AKAP13: variants seen among roughly 807,000 people sequenced by gnomAD.
AKAP13 encodes the protein A-kinase anchoring protein 13.
Under a neutral mutation model 264.5 loss-of-function variants are expected in AKAP13, and 80 were observed. The observed-to-expected ratio is 0.30, with a 90% CI of 0.25 to 0.36. AKAP13 has a LOEUF of 0.36. AKAP13 is among the 10% of genes least tolerant of loss of function. AKAP13 has a pLI of 1.00. For missense variants in AKAP13, 3,712 were observed against 3,435.2 expected, an observed-to-expected ratio of 1.08 and a Z score of -2.01; for synonymous variants, 1,380 against 1,250.2, an observed-to-expected ratio of 1.10 and a Z score of -2.19.
chr15:85,630,166 T>TATATAC (rs71468125), intron 8 of AKAP13, among the ~76,000 whole-genome samples: 7 of 100,124 alleles, frequency 7.0e-5, no homozygotes, highest in Non-Finnish European at 1.4e-4. Context: ...TTTTAACACA[T>TATATAC]ACACACACAC....
chr15:85,567,941 G>GGTATGTGTGT (rs1555445388), intron 5 of AKAP13, among the ~76,000 whole-genome samples: 6 of 141,828 alleles, frequency 4.2e-5, no homozygotes, highest in Non-Finnish European at 7.6e-5. Context: ...AGCCCAAAGA[G>GGTATGTGTGT]GTGTGTGTGT....
chr15:85,492,388 C>T (rs2075755518), intron 2 of AKAP13, among the ~76,000 whole-genome samples: 1 of 152,110 alleles, frequency 6.6e-6, no homozygotes, highest in Non-Finnish European at 1.5e-5. Context: ...TCTCAAAAAA[C>T]AAAACAAAAC....
chr15:85,626,642 C>G (rs1397434668), intron 8 of AKAP13, among the ~76,000 whole-genome samples: 1 of 152,186 alleles, frequency 6.6e-6, no homozygotes, highest in Non-Finnish European at 1.5e-5. Context: ...CCCATTCATC[C>G]ATCAATTGAC....
intron 2 of AKAP13, among the ~76,000 whole-genome samples, chr15:85,486,974 G>A (rs1426298543): frequency 3.9e-5 from 6 of 151,960 alleles, no homozygotes; most frequent in East Asian, 3.9e-4. Context: ...TCCTCACCTC[G>A]TGATCCACCC....
intron 35 of AKAP13, 50 bp downstream of exon 35, chr15:85,741,545 C>A (rs745384153): frequency 3.3e-6 from 5 of 1,516,098 alleles, no homozygotes; most frequent in Non-Finnish European, 4.4e-6. Flanking sequence ...TTAATTAAGA[C>A]CCCCTGTGTA....
chr15:85,567,240 TG>T (rs2151280460), intron 5 of AKAP13, among the ~76,000 whole-genome samples: 1 of 152,188 alleles, frequency 6.6e-6, no homozygotes, highest in Admixed American at 6.5e-5. Context: ...CCCGAGTAGC[TG>T]GGACTACAGG....
At chr15:85,733,486 T>C (rs963091228) in intron 30 of AKAP13, among the ~76,000 whole-genome samples, 1 of 152,208 alleles carries the variant, frequency 6.6e-6, no homozygotes, top group African/African-American at 2.4e-5. Context: ...TCTGTTTTCA[T>C]ATGTGGTTTC....
At chr15:85,509,414 A>G (rs118101215) in intron 2 of AKAP13, among the ~76,000 whole-genome samples, 2,328 of 152,306 alleles carry the variant, frequency 0.015, 36 homozygotes, top group South Asian at 0.028. Context: ...AGAGCCATTC[A>G]TGCTACTTTG....
chr15:85,485,729 T>A lies in AKAP13; in HGVS notation c.9T>A (p.Leu3=). ...TTTCAGTGTCCTGGGTCATGAAACT[T>A]AATCCACAGCAAGCTCCCTTATATG... MK[L]NPQQAPLYGD... Residue 3 remains leucine, a synonymous_variant, in exon 2 of 37, where the codon CTT becomes CTA. Transcript: ENST00000394518. 1 of 1,613,470 alleles carries A rather than the reference T, an allele frequency of 6.2e-7. No homozygotes were observed. The highest frequency in any genetic ancestry group is 2.2e-5 in the East Asian group (1 of 44,866).
intron 5 of AKAP13, among the ~76,000 whole-genome samples, chr15:85,568,299 G>GA (rs1269611109): frequency 6.7e-6 from 1 of 150,124 alleles, no homozygotes; most frequent in Non-Finnish European, 1.5e-5. Context: ...CAAAAAAAAA[G>GA]AAAAAAGGAA....
chr15:85,718,255 T>G lies in AKAP13; in HGVS notation c.6001+96T>G. On this transcript the variant is annotated intron_variant, in intron 22 of 36. Coordinates refer to ENST00000394518, the MANE Select transcript of AKAP13 (RefSeq NM_007200.5). This position sits in a 1 kb window ranked among gnomAD's most constrained non-coding sequence, Gnocchi z 4.9. The stretch of plus-strand genomic sequence containing the variant: ...GGACTATGAAAAATCAGTTTTTTAG[T>G]ATGTGGCTTCTTGAAAAGATTTCCT... 7.0e-7 allele frequency: 1 copy of G among 1,423,214 alleles called. No individual in the cohort carries two copies. The highest frequency in any genetic ancestry group is 1.3e-5 in the South Asian group (1 of 76,554). The allele number at this position is 1,423,214 out of a possible 1,614,324, so 88.2% of individuals were successfully genotyped here.
intron 8 of AKAP13, chr15:85,619,471 G>T (rs1815068834): frequency 1.0e-6 from 1 of 985,332 alleles, no homozygotes; most frequent in Non-Finnish European, 1.2e-6. Context: ...GAGCAAGAGA[G>T]ATTCCAAAGA....
intron 18 of AKAP13, among the ~76,000 whole-genome samples, chr15:85,710,165 G>A (rs2086558626): frequency 6.6e-6 from 1 of 152,190 alleles, no homozygotes; most frequent in African/African-American, 2.4e-5. Flanking sequence ...TACTGGAAAT[G>A]AAATGCAAAA....
At chr15:85,565,961 G>A (rs1177691127) in intron 5 of AKAP13, among the ~76,000 whole-genome samples, 3 of 152,212 alleles carry the variant, frequency 2.0e-5, no homozygotes, top group Non-Finnish European at 2.9e-5. Context: ...CCTCTGAGCT[G>A]CTTTATTCAC....
chr15:85,703,892 A>T (rs1045653960), intron 17 of AKAP13, among the ~76,000 whole-genome samples: 2 of 150,114 alleles, frequency 1.3e-5, no homozygotes, highest in East Asian at 1.9e-4. Flanking sequence ...ATATTTAATA[A>T]TTTTTTTTTG....
chr15:85,521,057 C>T (rs1179876361), intron 2 of AKAP13, among the ~76,000 whole-genome samples: 2 of 151,950 alleles, frequency 1.3e-5, no homozygotes, highest in Non-Finnish European at 2.9e-5. Flanking sequence ...TTTATTATAC[C>T]CCCTCCATCC....
intron 17 of AKAP13, among the ~76,000 whole-genome samples, chr15:85,701,981 C>A (rs2085944242): frequency 6.6e-6 from 1 of 152,038 alleles, no homozygotes. Context: ...CACGGTGGCT[C>A]ACGCCTGTAA....
chr15:85,517,330 C>T (rs779854081), intron 2 of AKAP13, among the ~76,000 whole-genome samples: 1 of 150,308 alleles, frequency 6.7e-6, no homozygotes, highest in Non-Finnish European at 1.5e-5. Context: ...CCCCCAAATA[C>T]GTTTCCCTTT....
At chr15:85,554,803 G>T (rs2078084286) in intron 5 of AKAP13, among the ~76,000 whole-genome samples, 1 of 152,086 alleles carries the variant, frequency 6.6e-6, no homozygotes, top group African/African-American at 2.4e-5. Flanking sequence ...AATTTAAGTA[G>T]TCCAAGATCA....
Sources: allele counts gnomAD v4.1 joint callset (sites outside exome capture counted in the v4.1 genomes callset), GRCh38; gene constraint gnomAD v4.1.1; non-coding constraint Gnocchi (gnomAD v3.1); transcripts MANE v1.5; gene names NCBI Gene and HGNC (gene_info 2026-07-23, HGNC 2026-07-21).